The following SYBU variants were observed in gnomAD, a reference collection of about 807,000 sequenced individuals.
SYBU encodes the protein syntabulin.
SYBU carries 21 observed loss-of-function variants against 35.9 expected under a neutral mutation model. The ratio of observed to expected loss-of-function variants is 0.58; its 90% CI spans 0.41 to 0.84. The LOEUF (loss-of-function observed/expected upper bound fraction) is 0.84. Ranked by LOEUF, SYBU falls within the 40% of genes least tolerant of loss-of-function variation. The pLI is 0.00. For missense variants in SYBU, 768 were observed against 848.2 expected (o/e 0.91, Z 1.17); for synonymous variants, 319 against 324.3 (o/e 0.98, Z 0.18).
At chr8:109,622,382 C>T (rs1025985643) in intron 2 of SYBU, among the ~76,000 whole-genome samples, 9 of 152,076 alleles carry the variant, frequency 5.9e-5, no homozygotes, top group African/African-American at 2.2e-4. Context: ...CAAGCATGTA[C>T]CACCCAAACT....
intron 3 of SYBU, among the ~76,000 whole-genome samples, chr8:109,596,307 T>C (rs1824871471): frequency 6.6e-6 from 1 of 152,268 alleles, no homozygotes; most frequent in African/African-American, 2.4e-5. Context: ...TCTGTCATCA[T>C]TGGCCCATGC....
At chr8:109,582,184 G>A (rs1181341658) in intron 4 of SYBU, among the ~76,000 whole-genome samples, 6 of 152,160 alleles carry the variant, frequency 3.9e-5, no homozygotes, top group Non-Finnish European at 7.3e-5. Flanking sequence ...TTCCACTGAG[G>A]ACCTTCTGTG....
At chr8:109,635,988 T>C (rs1408962860) in intron 2 of SYBU, among the ~76,000 whole-genome samples, 2 of 152,232 alleles carry the variant, frequency 1.3e-5, no homozygotes, top group Non-Finnish European at 2.9e-5. Flanking sequence ...ATATGTTTCG[T>C]GATGGCACAC....
intron 1 of SYBU, among the ~76,000 whole-genome samples, chr8:109,651,309 C>T (rs1816124781): frequency 6.6e-6 from 1 of 152,140 alleles, no homozygotes; most frequent in African/African-American, 2.4e-5. Context: ...CAGCTACCAG[C>T]TTGCCATAAT....
intron 4 of SYBU, among the ~76,000 whole-genome samples, chr8:109,582,082 T>C (rs563600897): frequency 6.6e-6 from 1 of 152,312 alleles, no homozygotes; most frequent in Admixed American, 6.5e-5. Flanking sequence ...AATCTGATTA[T>C]GAGAAATATG....
intron 1 of SYBU, among the ~76,000 whole-genome samples, chr8:109,678,134 CAAAAAAAAAAA>C (rs758399888): frequency 0.017 from 727 of 43,200 alleles, 15 homozygotes; most frequent in African/African-American, 0.048. Context: ...AACTCCACCT[CAAAAAAAAAAA>C]AAAAAAAAAA....
intron 6 of SYBU, among the ~76,000 whole-genome samples, chr8:109,577,622 C>CA (rs1181140808): frequency 6.6e-6 from 1 of 150,768 alleles, no homozygotes; most frequent in Non-Finnish European, 1.5e-5. Flanking sequence ...ACAACAACAA[C>CA]AAAAAACGAC....
intron 2 of SYBU, among the ~76,000 whole-genome samples, chr8:109,634,526 T>A (rs1813994466): frequency 6.6e-6 from 1 of 152,252 alleles, no homozygotes; most frequent in South Asian, 2.1e-4. Flanking sequence ...TCTGTTCTCA[T>A]AATTTCTACC....
At chr8:109,600,241 TC>T (rs1204686991) in intron 3 of SYBU, among the ~76,000 whole-genome samples, 2 of 152,240 alleles carry the variant, frequency 1.3e-5, no homozygotes, top group Non-Finnish European at 2.9e-5. Flanking sequence ...TAAAAGTTTC[TC>T]CACCATTGGC....
At chr8:109,673,836 T>C (rs1412507717) in intron 1 of SYBU, among the ~76,000 whole-genome samples, 1 of 152,094 alleles carries the variant, frequency 6.6e-6, no homozygotes, top group Non-Finnish European at 1.5e-5. Flanking sequence ...GAGAAGAACA[T>C]GAAAGACCTG....
chr8:109,659,591 T>G (rs1408770436), intron 1 of SYBU, among the ~76,000 whole-genome samples: 1 of 152,178 alleles, frequency 6.6e-6, no homozygotes, highest in Non-Finnish European at 1.5e-5. Context: ...CAATAAATTT[T>G]ACTCATCACA....
intron 1 of SYBU, among the ~76,000 whole-genome samples, chr8:109,651,733 T>C (rs1038102052): frequency 6.6e-6 from 1 of 152,212 alleles, no homozygotes; most frequent in Non-Finnish European, 1.5e-5. Flanking sequence ...TAGAGCTTAA[T>C]AGATATCCTC....
intron 3 of SYBU, among the ~76,000 whole-genome samples, chr8:109,612,797 T>C (rs1811321270): frequency 6.6e-6 from 1 of 152,026 alleles, no homozygotes; most frequent in Admixed American, 6.6e-5. Context: ...CTGACCAACA[T>C]GGTGAAACCC....
intron 2 of SYBU, among the ~76,000 whole-genome samples, chr8:109,635,201 A>T (rs1814085489): frequency 6.6e-6 from 1 of 152,212 alleles, no homozygotes; most frequent in African/African-American, 2.4e-5. Context: ...TCTGCTGAAG[A>T]TGACTGATAA....
chr8:109,644,878 C>G (rs1466662592), upstream of SYBU: 10 of 568,420 alleles, frequency 1.8e-5, no homozygotes, highest in Non-Finnish European at 2.8e-5. Context: ...GCCGCACTCG[C>G]TAGAGGCAGC....
intron 6 of SYBU, 69 bp downstream of exon 6, chr8:109,577,799 G>T: frequency 7.0e-7 from 1 of 1,426,868 alleles, no homozygotes; most frequent in Non-Finnish European, 9.4e-7. Context: ...TCTATAGTTT[G>T]GGTTCATATT....
intron 2 of SYBU, among the ~76,000 whole-genome samples, chr8:109,620,661 T>C (rs1359416064): frequency 6.6e-6 from 1 of 152,202 alleles, no homozygotes; most frequent in African/African-American, 2.4e-5. Flanking sequence ...AGGGTGCTGC[T>C]CATGCCTGCA....
At chr8:109,628,378 A>T (rs1813209636) in intron 2 of SYBU, among the ~76,000 whole-genome samples, 1 of 150,842 alleles carries the variant, frequency 6.6e-6, no homozygotes, top group Non-Finnish European at 1.5e-5. Context: ...TCACTCTGTC[A>T]CCCAGGCTGA....
At chr8:109,583,773 A>C (rs1024392815) in intron 4 of SYBU, among the ~76,000 whole-genome samples, 3 of 152,146 alleles carry the variant, frequency 2.0e-5, no homozygotes, top group Non-Finnish European at 4.4e-5. Context: ...ACCAAAATCT[A>C]CTGATGGTAC....
Sources: gnomAD v4.1 joint callset for allele counts (sites outside exome capture counted in the v4.1 genomes callset) on GRCh38, gnomAD v4.1.1 for gene constraint, MANE v1.5 for transcripts, NCBI Gene and HGNC (gene_info 2026-07-23, HGNC 2026-07-21) for gene names.